Variants in CDC25C observed in about 807,000 individuals in gnomAD.
CDC25C encodes M-phase inducer phosphatase 3.
In CDC25C, 48 loss-of-function variants were observed where a neutral mutation model predicts 52.5. The ratio of observed to expected loss-of-function variants is 0.91; its 90% CI spans 0.72 to 1.16. The LOEUF is 1.16. Ranked by LOEUF, CDC25C falls within the 50% of genes most tolerant of loss-of-function variation. The pLI is 0.00. For synonymous variants in CDC25C, 187 were observed against 206.5 expected (o/e 0.91, Z 0.81); for missense variants, 510 against 566.1 (o/e 0.90, Z 1.01).
At chr5:138,320,555 C>G (rs1302965333) in intron 6 of CDC25C, among the ~76,000 whole-genome samples, 1 of 152,026 alleles carries the variant, frequency 6.6e-6, no homozygotes, top group Non-Finnish European at 1.5e-5. Flanking sequence ...CGCAGTGGCT[C>G]ACACCTGTAA....
rs565587240 is a variant in CDC25C, at chr5:138,303,585, T to C, written c.616-11469A>G. Among the ~76,000 whole-genome samples the C allele has an allele frequency of 1.8e-4, 28 of 152,290 alleles. No individual in the cohort carries two copies. In the South Asian group the frequency reaches 5.2e-3, roughly 28 times the overall value. On this transcript the variant is annotated intron_variant, in intron 7 of 13. Coordinates refer to ENST00000323760, the MANE Select transcript of CDC25C (RefSeq NM_001790.5). ...CACTTGCTTTGCCTTCTGCTGGGAATGACTCATTCCTCCTGACATCTGCTT... is the reference window on the plus strand; with the variant it reads ...CACTTGCTTTGCCTTCTGCTGGGAACGACTCATTCCTCCTGACATCTGCTT...
chr5:138,327,115 C>T (rs12187949), intron 4 of CDC25C, among the ~76,000 whole-genome samples: 50,747 of 150,652 alleles, frequency 0.34, 9,136 homozygotes, highest in East Asian at 0.61. Context: ...ATTAGCTGGG[C>T]GTCGTGGCAT....
chr5:138,319,438 C>G, intron 6 of CDC25C, 64 bp from the exon 7 acceptor site: 1 of 1,242,084 alleles, frequency 8.1e-7, no homozygotes, highest in African/African-American at 1.5e-5. Flanking sequence ...AATGTAAGAG[C>G]TAAAACTATA....
At position 138,331,700 on chromosome 5, in the gene CDC25C, G is replaced by A; in HGVS notation, c.-144C>T. On this transcript the variant is annotated 5_prime_UTR_variant, in exon 1 of 14. Coordinates refer to ENST00000323760, the MANE Select transcript of CDC25C (RefSeq NM_001790.5). Reference sequence around the variant, plus strand: ...ATGAAAGGAAATCTAGGGGAAAGGAGGTAGTTAACTAGATTGCAGCTCTGC... The same window carrying A: ...ATGAAAGGAAATCTAGGGGAAAGGAAGTAGTTAACTAGATTGCAGCTCTGC... 1.0e-6 allele frequency: 1 copy of A among 990,716 alleles called. No individual in the cohort carries two copies. The highest frequency in any genetic ancestry group is 1.2e-6 in the Non-Finnish European group (1 of 832,812). The allele number at this position is 990,716 out of a possible 1,614,324, so 61.4% of individuals were successfully genotyped here. A position where few individuals can be genotyped will look rare whatever the true frequency, so the allele number is the denominator to read the frequency against.
chr5:138,286,529 GT>G lies in CDC25C; in HGVS notation c.1127del (p.His376ProfsTer23). The G allele has an allele frequency of 6.2e-7, 1 of 1,613,842 alleles. No individual in the cohort carries two copies. The highest frequency in any genetic ancestry group is 8.5e-7 in the Non-Finnish European group (1 of 1,179,868). ...DTQKRIIIVF[H>X]CEFSSERGPR... ...GGCCCCTCTCTGAGGAGAATTCACA[GT>G]GGAACACGATGATTATTCTCTTCTG... On this transcript the variant is annotated frameshift_variant, in exon 12 of 14. Coordinates refer to ENST00000323760, the MANE Select transcript of CDC25C (RefSeq NM_001790.5). LOFTEE classifies it high-confidence loss of function.
At chr5:138,304,783 C>T (rs1228240464) in intron 7 of CDC25C, among the ~76,000 whole-genome samples, 5 of 152,146 alleles carry the variant, frequency 3.3e-5, no homozygotes, top group Admixed American at 3.3e-4. Flanking sequence ...GACAGGATTA[C>T]AGGTGAAAGC....
intron 7 of CDC25C, among the ~76,000 whole-genome samples, chr5:138,304,149 T>G (rs13182414): frequency 0.3 from 45,757 of 151,916 alleles, 7,730 homozygotes; most frequent in South Asian, 0.45. Context: ...ATCCAAAATA[T>G]ATATATCTAT....
intron 7 of CDC25C, among the ~76,000 whole-genome samples, chr5:138,296,707 G>T (rs959876703): frequency 6.6e-6 from 1 of 150,402 alleles, no homozygotes; most frequent in African/African-American, 2.4e-5. Context: ...CCAGGTTCAC[G>T]CCATTCTCCT....
intron 6 of CDC25C, among the ~76,000 whole-genome samples, chr5:138,323,217 C>T (rs1759578892): frequency 6.6e-6 from 1 of 152,166 alleles, no homozygotes; most frequent in Admixed American, 6.5e-5. Context: ...AGGCATGAGC[C>T]ACCATGCCTG....
At chr5:138,288,526 G>A (rs534010689) in intron 10 of CDC25C, among the ~76,000 whole-genome samples, 4 of 152,116 alleles carry the variant, frequency 2.6e-5, no homozygotes, top group East Asian at 3.9e-4. Flanking sequence ...GTAAAACCCC[G>A]TCTCTACTAA....
chr5:138,334,233 C>T (rs1005709158), upstream of CDC25C, among the ~76,000 whole-genome samples: 6 of 152,004 alleles, frequency 3.9e-5, no homozygotes, highest in Admixed American at 1.3e-4. Context: ...TGCGCCCGGC[C>T]GCCCTTAAGA....
rs191529714 is a variant in CDC25C, at chr5:138,331,297, G to A, written c.-38-79C>T. 2.1e-4 allele frequency: 217 copies of A among 1,010,148 alleles called. No homozygotes were observed. In the African/African-American group the frequency reaches 3.3e-3, roughly 15 times the overall value. The allele number at this position is 1,010,148 out of a possible 1,614,324, so 62.6% of individuals were successfully genotyped here. ...AAACTCCTCCACCCTTTCCAGCCAG[G>A]CGAATCAACACTGGAAGAGGGGCAA... On this transcript the variant is annotated intron_variant, in intron 1 of 13. Transcript: ENST00000323760.
intron 4 of CDC25C, 143 bp from the exon 5 acceptor site, chr5:138,326,197 A>G: frequency 8.3e-6 from 7 of 839,074 alleles, no homozygotes; most frequent in Middle Eastern, 4.9e-4. Context: ...ACAACAATAC[A>G]TAGGGTATTC....
At chr5:138,300,644 A>G (rs759204311) in intron 7 of CDC25C, among the ~76,000 whole-genome samples, 42 of 152,154 alleles carry the variant, frequency 2.8e-4, no homozygotes, top group Non-Finnish European at 5.4e-4. Flanking sequence ...AACTGGACCT[A>G]CTTGACATAC....
intron 2 of CDC25C, 122 bp downstream of exon 2, chr5:138,330,865 G>A (rs1760313429): frequency 1.5e-6 from 1 of 684,394 alleles, no homozygotes. Flanking sequence ...ACACAGTCAA[G>A]GGCAGAGTTG....
chr5:138,293,099 T>TCA lies in CDC25C; in HGVS notation c.616-985_616-984dup, dbSNP rs942393805. On this transcript the variant is annotated intron_variant, in intron 7 of 13. Transcript: ENST00000323760. ...ACAGCTATGGATATTATGTTGTTTA[T>TCA]CACACACATGGTCCTACCTCTTGTT... 5.9e-5 allele frequency among the ~76,000 whole-genome samples: 9 copies of TCA among 152,240 alleles called. 1 individual carries two copies. Among genetic ancestry groups the TCA allele is most frequent in the East Asian group, 5.8e-4 (3 of 5,208 alleles).
intron 7 of CDC25C, among the ~76,000 whole-genome samples, chr5:138,310,131 C>T (rs1758330412): frequency 1.3e-5 from 2 of 152,190 alleles, no homozygotes; most frequent in South Asian, 4.1e-4. Flanking sequence ...TTTGAATCAT[C>T]GTCGACTTTT....
intron 7 of CDC25C, among the ~76,000 whole-genome samples, chr5:138,301,705 A>AAAT (rs1554115426): frequency 6.1e-5 from 7 of 114,160 alleles, no homozygotes; most frequent in South Asian, 2.7e-4. Context: ...AAAAAAAAAA[A>AAAT]TTTTTTTTTT....
chr5:138,328,624 TA>T, intron 3 of CDC25C, 95 bp from the exon 4 acceptor site: 1 of 1,015,662 alleles, frequency 9.8e-7, no homozygotes, highest in East Asian at 2.4e-5. Flanking sequence ...TAAGCCGTAT[TA>T]ATTTCAAGGA....
Sources: allele counts gnomAD v4.1 joint callset (sites outside exome capture counted in the v4.1 genomes callset), GRCh38; gene constraint gnomAD v4.1.1; transcripts MANE v1.5; gene names NCBI Gene and HGNC (gene_info 2026-07-23, HGNC 2026-07-21).